GRM8: variants seen among roughly 807,000 people sequenced by gnomAD.
GRM8 encodes the protein glutamate metabotropic receptor 8.
In GRM8, 47 loss-of-function variants were observed where a neutral mutation model predicts 87.2. The observed-to-expected ratio is 0.54, with a 90% CI of 0.43 to 0.69. The LOEUF (loss-of-function observed/expected upper bound fraction) is 0.69. Among genes scored for constraint, GRM8 ranks in the 30% least tolerant of loss-of-function variants. The pLI, the probability that GRM8 is intolerant of heterozygous loss-of-function variation, is 0.00. For synonymous variants in GRM8, 396 were observed against 404.5 expected, an observed-to-expected ratio of 0.98 and a Z score of 0.25; for missense variants, 1,019 against 1,139.2, an observed-to-expected ratio of 0.89 and a Z score of 1.52.
intron 2 of GRM8, among the ~76,000 whole-genome samples, chr7:127,122,232 T>C (rs2133185198): frequency 6.6e-6 from 1 of 152,310 alleles, no homozygotes; most frequent in African/African-American, 2.4e-5. Flanking sequence ...TGGCTTTTAA[T>C]ATCAACAGTC....
chr7:126,585,075 C>T (rs569442370), intron 8 of GRM8, among the ~76,000 whole-genome samples: 5 of 152,120 alleles, frequency 3.3e-5, no homozygotes, highest in Admixed American at 6.6e-5. Context: ...AGTATAGCAT[C>T]GCTTCTATTT....
chr7:126,587,186 G>A, intron 8 of GRM8, among the ~76,000 whole-genome samples: 1 of 152,230 alleles, frequency 6.6e-6, no homozygotes, highest in Non-Finnish European at 1.5e-5. Flanking sequence ...AACAGGTGAT[G>A]GAGAGGATGT....
intron 3 of GRM8, among the ~76,000 whole-genome samples, chr7:127,031,004 A>G (rs1817307435): frequency 2.0e-5 from 3 of 152,142 alleles, no homozygotes; most frequent in African/African-American, 7.2e-5. Context: ...TAAGAGCTGG[A>G]CAATCCTCTT....
intron 3 of GRM8, among the ~76,000 whole-genome samples, chr7:127,012,980 G>A (rs970628150): frequency 6.6e-6 from 1 of 152,258 alleles, no homozygotes; most frequent in African/African-American, 2.4e-5. Context: ...GCAGAGAGGG[G>A]ACGAGAAACA....
At chr7:126,809,892 T>C (rs1793129663) in intron 6 of GRM8, among the ~76,000 whole-genome samples, 1 of 152,190 alleles carries the variant, frequency 6.6e-6, no homozygotes. Flanking sequence ...TCCCTTCTGA[T>C]TCAGTTTTGA....
chr7:126,958,400 A>G (rs1316188900), intron 3 of GRM8, among the ~76,000 whole-genome samples: 1 of 152,110 alleles, frequency 6.6e-6, no homozygotes, highest in Non-Finnish European at 1.5e-5. Flanking sequence ...AAGTGCCACC[A>G]CGTTCCACTT....
intron 6 of GRM8, among the ~76,000 whole-genome samples, chr7:126,890,569 A>G (rs1800899890): frequency 6.6e-6 from 1 of 152,038 alleles, no homozygotes; most frequent in East Asian, 1.9e-4. Flanking sequence ...TCCCAGCCTC[A>G]TATCTCACAG....
chr7:126,607,100 C>T (rs1798437396), intron 8 of GRM8, among the ~76,000 whole-genome samples: 2 of 152,112 alleles, frequency 1.3e-5, no homozygotes, highest in South Asian at 4.1e-4. Flanking sequence ...TATTTCATTT[C>T]CTATAGGTCC....
At chr7:126,616,469 G>C (rs527503390) in intron 7 of GRM8, among the ~76,000 whole-genome samples, 1 of 152,240 alleles carries the variant, frequency 6.6e-6, no homozygotes, top group East Asian at 1.9e-4. Flanking sequence ...AAAAGAACTA[G>C]AGAAGCAAGA....
rs1335002239 is a variant in GRM8, at chr7:126,613,949, G to T, written c.1358-4451C>A. On this transcript the variant is annotated intron_variant, in intron 7 of 10. Transcript: ENST00000339582. Reference sequence around the variant, plus strand: ...GCCTGCCTCTGTAGACTCCACCTCTGGGGGCAGGGCATAGCCAAACAAAAG... The same window carrying T: ...GCCTGCCTCTGTAGACTCCACCTCTTGGGGCAGGGCATAGCCAAACAAAAG... Among the ~76,000 whole-genome samples, 3 of 152,210 alleles carry T rather than the reference G, an allele frequency of 2.0e-5. No individual in the cohort carries two copies. The East Asian group carries it at 5.8e-4, about 29-fold the overall frequency.
chr7:126,709,455 A>G (rs915477969), intron 7 of GRM8, among the ~76,000 whole-genome samples: 3 of 151,942 alleles, frequency 2.0e-5, no homozygotes, highest in Non-Finnish European at 4.4e-5. Context: ...GAAGAGGAAG[A>G]AGAGGACGAA....
intron 9 of GRM8, among the ~76,000 whole-genome samples, chr7:126,485,641 G>A (rs1807267286): frequency 6.6e-6 from 1 of 151,928 alleles, no homozygotes; most frequent in South Asian, 2.1e-4. Flanking sequence ...GGGTACAAGG[G>A]AGACAAAACT....
intron 7 of GRM8, among the ~76,000 whole-genome samples, chr7:126,645,711 G>A (rs916944649): frequency 6.6e-6 from 1 of 152,140 alleles, no homozygotes; most frequent in African/African-American, 2.4e-5. Context: ...AATAAAACAT[G>A]GCTTGTCTGA....
chr7:126,729,379 G>A (rs1813355099), intron 7 of GRM8, among the ~76,000 whole-genome samples: 1 of 152,158 alleles, frequency 6.6e-6, no homozygotes, highest in Non-Finnish European at 1.5e-5. Context: ...TCACACTATG[G>A]TGAGGGGGAA....
In GRM8 at chr7:126,638,163, A is replaced by G. The variant is rs575699953; in HGVS notation, c.1358-28665T>C. Among the ~76,000 whole-genome samples the G allele has an allele frequency of 3.9e-5, 6 of 152,226 alleles. No individual in the cohort carries two copies. In the East Asian group the frequency reaches 9.6e-4, roughly 24 times the overall value. ...TTAAAATAAACTTTTATCAGGTGCT[A>G]AAATATATTTTTTGTTTAGTTTTGT... On this transcript the variant is annotated intron_variant, in intron 7 of 10. Coordinates refer to ENST00000339582, the MANE Select transcript of GRM8 (RefSeq NM_000845.3).
chr7:127,085,667 GT>G (rs1253617748), intron 3 of GRM8, among the ~76,000 whole-genome samples: 1 of 152,066 alleles, frequency 6.6e-6, no homozygotes, highest in African/African-American at 2.4e-5. Flanking sequence ...GTTTTTTCTT[GT>G]AAACTTGTTT....
chr7:126,926,582 T>C (rs1165867232), intron 3 of GRM8, among the ~76,000 whole-genome samples: 1 of 152,236 alleles, frequency 6.6e-6, no homozygotes, highest in Non-Finnish European at 1.5e-5. Flanking sequence ...TGGTGAACGC[T>C]ACTTCTCTGT....
At chr7:127,079,083 A>G (rs1407270655) in intron 3 of GRM8, among the ~76,000 whole-genome samples, 1 of 152,044 alleles carries the variant, frequency 6.6e-6, no homozygotes. Flanking sequence ...AGGCAATGAC[A>G]TTTATTTATA....
chr7:126,449,045 T>C (rs1336420272), intron 9 of GRM8, among the ~76,000 whole-genome samples: 2 of 151,782 alleles, frequency 1.3e-5, no homozygotes, highest in African/African-American at 4.8e-5. Flanking sequence ...AAATAAAAGT[T>C]AAAGAAATCC....
Sources: allele counts gnomAD v4.1 joint callset (sites outside exome capture counted in the v4.1 genomes callset), GRCh38; gene constraint gnomAD v4.1.1; transcripts MANE v1.5; gene names NCBI Gene and HGNC (gene_info 2026-07-23, HGNC 2026-07-21).